Variants in MPHOSPH6 observed in about 807,000 individuals in gnomAD.
MPHOSPH6 encodes the protein M-phase phosphoprotein 6.
Under a neutral mutation model 21.8 loss-of-function variants are expected in MPHOSPH6, and 25 were observed. That is an observed-to-expected ratio of 1.15 (90% CI 0.83 to 1.60). MPHOSPH6 has a LOEUF of 1.60. Ranked by LOEUF, MPHOSPH6 falls within the 40% of genes most tolerant of loss-of-function variation. MPHOSPH6 has a pLI of 0.00. For synonymous variants in MPHOSPH6, 84 were observed against 56.5 expected (o/e 1.49, Z -2.18); for missense variants, 269 against 181.8 (o/e 1.48, Z -2.76).
intron 2 of MPHOSPH6, among the ~76,000 whole-genome samples, chr16:82,156,370 A>C (rs1906428995): frequency 6.6e-6 from 1 of 152,234 alleles, no homozygotes; most frequent in Non-Finnish European, 1.5e-5. Context: ...AAAATACAAT[A>C]AACTGATGGC....
At chr16:82,149,433 G>A in intron 3 of MPHOSPH6, 30 bp from the exon 4 acceptor site, 3 of 1,588,290 alleles carry the variant, frequency 1.9e-6, no homozygotes, top group Non-Finnish European at 2.6e-6. Flanking sequence ...TGACCTTCAG[G>A]CTAGAAAACG....
chr16:82,154,820 G>C (rs909568804), intron 2 of MPHOSPH6, among the ~76,000 whole-genome samples: 1 of 152,126 alleles, frequency 6.6e-6, no homozygotes, highest in African/African-American at 2.4e-5. Flanking sequence ...AGCATTTAAG[G>C]AAGAAATAAT....
chr16:82,165,416 G>A (rs575887103), intron 1 of MPHOSPH6, among the ~76,000 whole-genome samples: 4 of 152,004 alleles, frequency 2.6e-5, no homozygotes, highest in East Asian at 1.9e-4. Context: ...GAGCCGCTGC[G>A]CCCGGCCCAG....
chr16:82,161,046 C>G (rs771043521), intron 2 of MPHOSPH6, among the ~76,000 whole-genome samples: 4 of 152,168 alleles, frequency 2.6e-5, no homozygotes, highest in Non-Finnish European at 5.9e-5. Context: ...TTCGTTCATA[C>G]CCCTTGCTCC....
chr16:82,148,854 G>T lies in MPHOSPH6; in HGVS notation c.360C>A (p.Thr120=), dbSNP rs1301055373. The T allele has an allele frequency of 6.2e-7, 1 of 1,613,864 alleles. No individual in the cohort carries two copies. The highest frequency in any genetic ancestry group is 8.5e-7 in the Non-Finnish European group (1 of 1,179,994). ...ACTTTTTCCCAATTGTCCCCACCAA[G>T]GTCTCATATCTGTCAAGAGGACAGG... The part of the protein sequence containing the change: ...SDEEMARRYE[T]LVGTIGKKFA... The change falls in exon 5 of 5, where the codon ACC becomes ACA. Residue 120 remains threonine (T), a synonymous_variant. Transcript: ENST00000258169.
intron 1 of MPHOSPH6, among the ~76,000 whole-genome samples, chr16:82,169,841 C>T (rs1181294254): frequency 1.3e-5 from 2 of 152,196 alleles, no homozygotes; most frequent in Non-Finnish European, 2.9e-5. Context: ...CCCAAGGTCC[C>T]CAGCGCTTCT....
chr16:82,167,092 C>G (rs186619022), intron 1 of MPHOSPH6, among the ~76,000 whole-genome samples: 1 of 150,770 alleles, frequency 6.6e-6, no homozygotes, highest in South Asian at 2.1e-4. Flanking sequence ...ACTGGCAGAG[C>G]TGAGTAGTTG....
Position 82,148,768 on chromosome 16 carries a change from A to T in MPHOSPH6, c.446T>A (p.Ile149Asn). Residue 149 changes from isoleucine to asparagine, a missense_variant, in exon 5 of 5, where the codon ATT becomes AAT. By Grantham distance (149) the Ile-to-Asn change is moderately radical (BLOSUM62 -3). Transcript: ENST00000258169. ...CTTTAAGAACATCTTCTTTGCTTTAATTGGTGTTATGTCTCCATTTTCATC... is the reference window on the plus strand; with the variant it reads ...CTTTAAGAACATCTTCTTTGCTTTATTTGGTGTTATGTCTCCATTTTCATC... ...EEDENGDITP[I>N]KAKKMFLKPQ... is the part of the protein sequence containing the mutation. The T allele has an allele frequency of 6.2e-7, 1 of 1,614,126 alleles. No individual in the cohort carries two copies. The highest frequency in any genetic ancestry group is 8.5e-7 in the Non-Finnish European group (1 of 1,180,016).
intron 2 of MPHOSPH6, among the ~76,000 whole-genome samples, chr16:82,159,919 A>C (rs1906554299): frequency 6.6e-6 from 1 of 152,160 alleles, no homozygotes; most frequent in African/African-American, 2.4e-5. Flanking sequence ...TCAATTGCCC[A>C]ATCTTATTCC....
intron 1 of MPHOSPH6, among the ~76,000 whole-genome samples, chr16:82,165,584 C>T (rs1361401319): frequency 6.6e-6 from 1 of 152,152 alleles, no homozygotes; most frequent in Non-Finnish European, 1.5e-5. Flanking sequence ...GACGATGGAA[C>T]CCATATATGA....
chr16:82,160,332 G>A (rs775352844), intron 2 of MPHOSPH6, among the ~76,000 whole-genome samples: 1 of 152,082 alleles, frequency 6.6e-6, no homozygotes, highest in Non-Finnish European at 1.5e-5. Context: ...TCGCAGATGA[G>A]AAACTACTGC....
At chr16:82,168,641 T>C (rs1906870768) in intron 1 of MPHOSPH6, among the ~76,000 whole-genome samples, 2 of 152,084 alleles carry the variant, frequency 1.3e-5, no homozygotes, top group Non-Finnish European at 2.9e-5. Context: ...TGGCTAATAT[T>C]TTGTATTTTT....
rs1906188382 is a variant in MPHOSPH6 at position 82,149,339 on chromosome 16, A to G, written c.320T>C (p.Leu107Pro). 9 of 1,613,262 alleles carry G rather than the reference A, an allele frequency of 5.6e-6. No individual in the cohort carries two copies. The highest frequency in any genetic ancestry group is 5.3e-5 in the African/African-American group (4 of 74,958). The change falls in exon 4 of 5, where the codon CTT (leucine) becomes CCT (proline). Residue 107 changes from leucine (L) to proline (P), a missense_variant. Physicochemically the swap from Leu to Pro is moderately conservative, Grantham distance 98. Transcript: ENST00000258169. ...AGCCATCTCTTCATCTGACACATCA[A>G]GCTCTACTGTTTCATCTTCAACTTC... is the stretch of plus-strand genomic sequence containing the variant. Reference protein sequence around the residue: ...AEEVEDETVELDVSDEEMARR... With the variant: ...AEEVEDETVEPDVSDEEMARR...
chr16:82,150,024 T>A (rs537745993), intron 3 of MPHOSPH6, among the ~76,000 whole-genome samples: 184 of 151,616 alleles, frequency 1.2e-3, no homozygotes, highest in Non-Finnish European at 2.0e-3. Flanking sequence ...TTTTTTTTTT[T>A]AAATGTGTAA....
chr16:82,168,013 G>A (rs7205534), intron 1 of MPHOSPH6, among the ~76,000 whole-genome samples: 95,137 of 152,036 alleles, frequency 0.63, 32,975 homozygotes, highest in East Asian at 0.78. Flanking sequence ...TTGCCAGTAA[G>A]TTTTTTCTTA....
chr16:82,149,503 C>T lies in MPHOSPH6; in HGVS notation c.256-100G>A. On this transcript the variant is annotated intron_variant, in intron 3 of 4. Transcript: ENST00000258169. The stretch of plus-strand genomic sequence containing the variant: ...GGCAGAGAAACTGAAGTCAAATAAT[C>T]TAGAGAACTAGTCAAAATTGATAAG... 5 of 946,100 alleles carry T rather than the reference C, an allele frequency of 5.3e-6. No homozygotes were observed. In the South Asian group the frequency reaches 6.5e-5, roughly 12 times the overall value. 58.6% of individuals were successfully genotyped at this position (946,100 alleles called of 1,614,324 possible).
intron 3 of MPHOSPH6, among the ~76,000 whole-genome samples, chr16:82,149,809 A>C (rs1426312181): frequency 6.6e-6 from 1 of 152,024 alleles, no homozygotes; most frequent in East Asian, 1.9e-4. Flanking sequence ...AATAATTTTA[A>C]ATGCATCTCT....
intron 1 of MPHOSPH6, among the ~76,000 whole-genome samples, chr16:82,168,951 C>G (rs1906880530): frequency 6.6e-6 from 1 of 152,160 alleles, no homozygotes; most frequent in South Asian, 2.1e-4. Context: ...CCCGTCCTGT[C>G]TACACTACTT....
chr16:82,160,362 C>A (rs1024825256), intron 2 of MPHOSPH6, among the ~76,000 whole-genome samples: 1 of 152,098 alleles, frequency 6.6e-6, no homozygotes, highest in Admixed American at 6.5e-5. Context: ...GCTGGACTTG[C>A]CTAAAGCCAC....
Sources: gnomAD v4.1 joint callset for allele counts (sites outside exome capture counted in the v4.1 genomes callset) on GRCh38, gnomAD v4.1.1 for gene constraint, MANE v1.5 for transcripts, NCBI Gene and HGNC (gene_info 2026-07-23, HGNC 2026-07-21) for gene names.